FHIT: variants seen among roughly 807,000 people sequenced by gnomAD.
FHIT encodes bis(5'-adenosyl)-triphosphatase.
FHIT carries 19 observed loss-of-function variants against 17.9 expected under a neutral mutation model. The observed-to-expected ratio is 1.06, with a 90% CI of 0.74 to 1.56. The LOEUF is 1.56. Ranked by LOEUF, FHIT falls within the 40% of genes most tolerant of loss-of-function variation. FHIT has a pLI of 0.00. For missense variants in FHIT, 248 were observed against 189.2 expected (o/e 1.31, Z -1.82); for synonymous variants, 81 against 69.7 (o/e 1.16, Z -0.81).
intron 5 of FHIT, among the ~76,000 whole-genome samples, chr3:60,295,413 A>G (rs1486781036): frequency 6.6e-6 from 1 of 152,128 alleles, no homozygotes; most frequent in Non-Finnish European, 1.5e-5. Context: ...TAGCTGAAGG[A>G]GAAGGGGAGC....
Position 61,237,835 on chromosome 3 carries a change from GCAAAGC to G in FHIT, c.-213+13460_-213+13465del, listed in dbSNP as rs1286125519. ...CTCAAGATGACACAGCAAATGAGAG[GCAAAGC>G]CAGAAGTGAGTCCTCAGGGTCAGAT... On this transcript the variant is annotated intron_variant, in intron 1 of 9. Transcript: ENST00000492590. Among the ~76,000 whole-genome samples, 17 of 152,306 alleles carry G rather than the reference GCAAAGC, an allele frequency of 1.1e-4. No homozygotes were observed. In the East Asian group the frequency reaches 3.1e-3, roughly 28 times the overall value.
chr3:59,873,207 A>T (rs1280411265), intron 8 of FHIT, among the ~76,000 whole-genome samples: 1 of 152,090 alleles, frequency 6.6e-6, no homozygotes, highest in Non-Finnish European at 1.5e-5. Flanking sequence ...CTTTAAACCC[A>T]TGCCAAAATC....
chr3:60,634,854 C>T (rs2039539617), intron 4 of FHIT, among the ~76,000 whole-genome samples: 1 of 152,090 alleles, frequency 6.6e-6, no homozygotes, highest in Non-Finnish European at 1.5e-5. Context: ...TTTTGCATTC[C>T]CATGTGGAAA....
chr3:60,594,866 C>A (rs896329093), intron 4 of FHIT, among the ~76,000 whole-genome samples: 1 of 152,078 alleles, frequency 6.6e-6, no homozygotes, highest in African/African-American at 2.4e-5. Context: ...CTTCATCCTT[C>A]CCTGCTTCCA....
At chr3:60,340,393 C>A (rs561670871) in intron 5 of FHIT, among the ~76,000 whole-genome samples, 1 of 152,286 alleles carries the variant, frequency 6.6e-6, no homozygotes, top group Admixed American at 6.5e-5. Flanking sequence ...TACATTGCCT[C>A]TGATCACTGT....
chr3:60,978,483 C>T (rs1433547255), intron 3 of FHIT, among the ~76,000 whole-genome samples: 1 of 152,126 alleles, frequency 6.6e-6, no homozygotes, highest in Non-Finnish European at 1.5e-5. Context: ...ACTACTTCTC[C>T]TTTTTTCAGG....
intron 5 of FHIT, among the ~76,000 whole-genome samples, chr3:60,428,044 G>C (rs915668010): frequency 2.0e-5 from 3 of 152,068 alleles, no homozygotes; most frequent in African/African-American, 7.2e-5. Flanking sequence ...ATAGGTACTA[G>C]GTTGGCCTTT....
intron 1 of FHIT, among the ~76,000 whole-genome samples, chr3:61,236,799 C>T (rs2040240738): frequency 1.3e-5 from 2 of 152,238 alleles, no homozygotes; most frequent in Non-Finnish European, 2.9e-5. Context: ...TGTCCTCCCT[C>T]TCTCTGCTCC....
chr3:61,164,673 T>C (rs2107108434), intron 2 of FHIT, among the ~76,000 whole-genome samples: 1 of 151,964 alleles, frequency 6.6e-6, no homozygotes, highest in African/African-American at 2.4e-5. Context: ...ATTCAGGGGG[T>C]ATATAGGCAA....
intron 4 of FHIT, among the ~76,000 whole-genome samples, chr3:60,637,385 C>A (rs551796253): frequency 2.0e-5 from 3 of 152,260 alleles, no homozygotes; most frequent in African/African-American, 7.2e-5. Context: ...GTCTCGTTTA[C>A]CATTCCATCT....
At chr3:60,602,901 A>C (rs1553669333) in intron 4 of FHIT, among the ~76,000 whole-genome samples, 1 of 152,098 alleles carries the variant, frequency 6.6e-6, no homozygotes, top group Non-Finnish European at 1.5e-5. Context: ...ACTCATGAGA[A>C]AGCAAGCCTT....
At chr3:60,535,248 T>C (rs999174119) in intron 5 of FHIT, among the ~76,000 whole-genome samples, 1 of 152,128 alleles carries the variant, frequency 6.6e-6, no homozygotes. Flanking sequence ...CAAAAAAAAG[T>C]GGTACATCTC....
At chr3:61,125,103 T>G (rs2036570559) in intron 2 of FHIT, among the ~76,000 whole-genome samples, 1 of 152,170 alleles carries the variant, frequency 6.6e-6, no homozygotes, top group Non-Finnish European at 1.5e-5. Flanking sequence ...GAAAGGTTTT[T>G]CCCTTAGAAT....
intron 4 of FHIT, among the ~76,000 whole-genome samples, chr3:60,576,499 G>A (rs539861382): frequency 2.0e-5 from 3 of 152,160 alleles, no homozygotes; most frequent in South Asian, 4.1e-4. Flanking sequence ...CGAGTCCTTG[G>A]AGCATAAAAA....
rs532293506 is a variant in FHIT, at chr3:60,161,733, G to A, written c.104-147581C>T. 3.3e-5 allele frequency among the ~76,000 whole-genome samples: 5 copies of A among 152,232 alleles called. No homozygotes were observed. In the South Asian group the frequency reaches 8.3e-4, roughly 25 times the overall value. On this transcript the variant is annotated intron_variant, in intron 5 of 9. Coordinates refer to ENST00000492590, the MANE Select transcript of FHIT (RefSeq NM_002012.4). ...AAGCAGCAGAAATAAACAAGCAGGTGTGTGCCTCTATGTCTACTACATGAA... is the reference window on the plus strand; with the variant it reads ...AAGCAGCAGAAATAAACAAGCAGGTATGTGCCTCTATGTCTACTACATGAA...
chr3:60,984,902 A>C (rs950521520), intron 3 of FHIT, among the ~76,000 whole-genome samples: 1 of 152,132 alleles, frequency 6.6e-6, no homozygotes, highest in South Asian at 2.1e-4. Flanking sequence ...TCAAACACAT[A>C]ATGATAAAAA....
intron 4 of FHIT, among the ~76,000 whole-genome samples, chr3:60,782,233 G>GTATATATATA (rs775581148): frequency 2.4e-4 from 32 of 133,196 alleles, no homozygotes; most frequent in African/African-American, 9.3e-4. Flanking sequence ...GTGTGTGTGT[G>GTATATATATA]TGTGTATATA....
At chr3:60,106,638 C>G (rs1458394445) in intron 5 of FHIT, among the ~76,000 whole-genome samples, 2 of 152,250 alleles carry the variant, frequency 1.3e-5, no homozygotes, top group East Asian at 3.9e-4. Context: ...ATCTGAGGTG[C>G]CCAGCCAAGG....
At chr3:61,116,420 T>A (rs1203742045) in intron 2 of FHIT, among the ~76,000 whole-genome samples, 3 of 152,118 alleles carry the variant, frequency 2.0e-5, no homozygotes, top group African/African-American at 7.2e-5. Flanking sequence ...GCATGCAGGG[T>A]TGAACTCATT....
Sources: gnomAD v4.1 joint callset for allele counts (sites outside exome capture counted in the v4.1 genomes callset) on GRCh38, gnomAD v4.1.1 for gene constraint, MANE v1.5 for transcripts, NCBI Gene and HGNC (gene_info 2026-07-23, HGNC 2026-07-21) for gene names.